RFC4: variants seen among roughly 807,000 people sequenced by gnomAD.
RFC4 encodes the protein replication factor C subunit 4.
A neutral mutation model predicts 47.6 loss-of-function variants in RFC4; 38 were observed. The ratio of observed to expected loss-of-function variants is 0.80; its 90% CI spans 0.62 to 1.05. The LOEUF is 1.05. Among genes scored for constraint, RFC4 ranks in the 50% least tolerant of loss-of-function variants. The pLI is 0.00. For missense variants in RFC4, 489 were observed against 434.0 expected (o/e 1.13, Z -1.13); for synonymous variants, 164 against 150.0 (o/e 1.09, Z -0.68).
rs764526307 is a variant in RFC4, at chr3:186,794,664, C to T, written c.404G>A (p.Arg135His). Residue 135 changes from arginine (R) to histidine (H), a missense_variant, in exon 5 of 11, where the codon CGC (arginine) becomes CAC (histidine). Arg to His is a conservative substitution (Grantham distance 29). This residue lies in a region of RFC4 where 206 missense variants were observed against 257.8 expected (regional missense o/e 0.80). Transcript: ENST00000296273. ...GGAGGGCAAATTTACTTACTCTGAG[C>T]GACTTCCTGACACAGTTAATTGAGC... The part of the protein sequence containing the change: ...NFAQLTVSGS[R>H]SDGKPCPPFK... 8.7e-6 allele frequency: 14 copies of T among 1,613,242 alleles called. No individual in the cohort carries two copies. Among genetic ancestry groups the T allele is most frequent in the Admixed American group, 3.3e-5 (2 of 59,812 alleles).
intron 3 of RFC4, among the ~76,000 whole-genome samples, 194 bp from the exon 4 acceptor site, chr3:186,797,808 C>T (rs967771303): frequency 2.0e-5 from 3 of 152,180 alleles, no homozygotes; most frequent in Non-Finnish European, 1.5e-5. Context: ...TCATATACTA[C>T]CACTTTTTTC....
chr3:186,790,270 A>T lies in RFC4; in HGVS notation c.883-15T>A, dbSNP rs779491357. The T allele has an allele frequency of 2.5e-6, 4 of 1,611,228 alleles. No individual in the cohort carries two copies. The African/African-American group carries it at 4.0e-5, about 16-fold the overall frequency. On this transcript the variant is annotated splice_polypyrimidine_tract_variant and intron_variant, in intron 9 of 10. Transcript: ENST00000296273. ...TCTATTAAATCCTATAATAAAAAAA[A>T]CTTTTGGTATGATGACTTAATATTC...
At chr3:186,804,809 G>A in intron 1 of RFC4, 85 bp from the exon 2 acceptor site, 2 of 1,320,632 alleles carry the variant, frequency 1.5e-6, no homozygotes, top group Non-Finnish European at 1.1e-6. Flanking sequence ...GGGTGGTGGT[G>A]GGGAACCATT....
At chr3:186,790,105 T>TAA in intron 10 of RFC4, 37 bp downstream of exon 10, 1 of 1,604,102 alleles carries the variant, frequency 6.2e-7, no homozygotes, top group South Asian at 1.1e-5. Context: ...TTCAGGTAGT[T>TAA]AAATGTTCCA....
chr3:186,790,273 T>C lies in RFC4; in HGVS notation c.883-18A>G. On this transcript the variant is annotated intron_variant, in intron 9 of 10. Transcript: ENST00000296273. ...ATTAAATCCTATAATAAAAAAAACT[T>C]TTGGTATGATGACTTAATATTCCTT... The C allele has an allele frequency of 1.2e-6, 2 of 1,611,482 alleles. No individual in the cohort carries two copies. The highest frequency in any genetic ancestry group is 1.7e-6 in the Non-Finnish European group (2 of 1,177,848).
intron 6 of RFC4, 24 bp downstream of exon 6, chr3:186,792,778 ATC>A (rs770598040): frequency 1.9e-6 from 3 of 1,586,320 alleles, no homozygotes; most frequent in Non-Finnish European, 2.6e-6. Context: ...GCTGCCTAGC[ATC>A]TGTCTTCAGG....
intron 4 of RFC4, 95 bp from the exon 5 acceptor site, chr3:186,794,872 CTAG>C: frequency 2.2e-6 from 3 of 1,346,114 alleles, no homozygotes; most frequent in Non-Finnish European, 3.1e-6. Context: ...TAAAATCCAC[CTAG>C]TAAACAACAT....
intron 1 of RFC4, among the ~76,000 whole-genome samples, chr3:186,805,045 T>C (rs1291742402): frequency 6.6e-6 from 1 of 152,176 alleles, no homozygotes; most frequent in Non-Finnish European, 1.5e-5. Flanking sequence ...AATGCATTGA[T>C]AAATATGATG....
chr3:186,802,046 T>C (rs1270575097), intron 2 of RFC4, among the ~76,000 whole-genome samples: 1 of 112,508 alleles, frequency 8.9e-6, no homozygotes, highest in Non-Finnish European at 1.9e-5. Flanking sequence ...AAAAAAAAAA[T>C]TAAAGTGAAC....
At chr3:186,790,085 A>C in intron 10 of RFC4, 21 bp from the exon 11 acceptor site, 1 of 1,609,112 alleles carries the variant, frequency 6.2e-7, no homozygotes. Flanking sequence ...AATTTAAGAA[A>C]TTAGCATCCT....
rs1383682811 is a variant in RFC4 at position 186,794,708 on chromosome 3, T to A, written c.360A>T (p.Arg120=). ...ASDERGIQVV[R]EKVKNFAQLT... ...ATTGAGCAAAATTTTTCACTTTCTCTCGAACTACTTGTATTCCACGTTCAT... is the reference window on the plus strand; with the variant it reads ...ATTGAGCAAAATTTTTCACTTTCTCACGAACTACTTGTATTCCACGTTCAT... The change falls in exon 5 of 11, where the codon CGA becomes CGT. Residue 120 remains arginine, a synonymous_variant. Transcript: ENST00000296273. 6 of 1,614,140 alleles carry A rather than the reference T, an allele frequency of 3.7e-6. No individual in the cohort carries two copies. Among genetic ancestry groups the A allele is most frequent in the Non-Finnish European group, 5.1e-6 (6 of 1,179,994 alleles).
chr3:186,791,526 G>T, intron 8 of RFC4, 199 bp downstream of exon 8: 1 of 575,588 alleles, frequency 1.7e-6, no homozygotes, highest in Non-Finnish European at 3.1e-6. Context: ...TTCCTGAAAT[G>T]TCTGTTACAT....
chr3:186,793,081 A>G lies in RFC4; in HGVS notation c.411-134T>C. ...TCAGTGTTTTTCTGTATGTTCACAA[A>G]GTTGTGCAACCATTACCACAATCTA... On this transcript the variant is annotated intron_variant, in intron 5 of 10. Coordinates refer to ENST00000296273, the MANE Select transcript of RFC4 (RefSeq NM_002916.5). This position sits in a 1 kb window ranked among gnomAD's most constrained non-coding sequence, Gnocchi z 4.2. The G allele has an allele frequency of 1.3e-6, 1 of 759,510 alleles. No homozygotes were observed. Among genetic ancestry groups the G allele is most frequent in the Non-Finnish European group, 2.0e-6 (1 of 491,366 alleles). The allele number at this position is 759,510 out of a possible 1,614,324, so 47.0% of individuals were successfully genotyped here. A position where few individuals can be genotyped will look rare whatever the true frequency, so the allele number is the denominator to read the frequency against.
At chr3:186,802,961 C>T (rs1157131924) in intron 2 of RFC4, among the ~76,000 whole-genome samples, 2 of 152,068 alleles carry the variant, frequency 1.3e-5, no homozygotes, top group Non-Finnish European at 2.9e-5. Context: ...CCCAGTGTTG[C>T]CTGATCTCCT....
chr3:186,798,093 G>T (rs564083993), intron 3 of RFC4, among the ~76,000 whole-genome samples: 6 of 152,110 alleles, frequency 3.9e-5, no homozygotes, highest in Non-Finnish European at 1.5e-5. Flanking sequence ...GGCTTTGGAT[G>T]AGCAGAAGTA....
intron 2 of RFC4, among the ~76,000 whole-genome samples, chr3:186,804,247 A>C (rs1294586727): frequency 6.6e-6 from 1 of 152,198 alleles, no homozygotes; most frequent in Non-Finnish European, 1.5e-5. Flanking sequence ...GGAACAGATT[A>C]CATATTTGGA....
At position 186,794,642 on chromosome 3, in the gene RFC4, G is replaced by A; in HGVS notation, c.410+16C>T. The A allele has an allele frequency of 6.2e-7, 1 of 1,611,206 alleles. No homozygotes were observed. The highest frequency in any genetic ancestry group is 2.2e-5 in the East Asian group (1 of 44,808). ...AATAATACATGCTATGGAGGAGGGA[G>A]GGCAAATTTACTTACTCTGAGCGAC... is the stretch of plus-strand genomic sequence containing the variant. On this transcript the variant is annotated intron_variant, in intron 5 of 10. Coordinates refer to ENST00000296273, the MANE Select transcript of RFC4 (RefSeq NM_002916.5).
intron 4 of RFC4, among the ~76,000 whole-genome samples, chr3:186,797,249 C>A (rs902128285): frequency 4.6e-5 from 7 of 152,146 alleles, no homozygotes; most frequent in Non-Finnish European, 1.0e-4. Flanking sequence ...GTTGGGCCCT[C>A]TGGACTCCAA....
At position 186,793,335 on chromosome 3, in the gene RFC4, C is replaced by T. The variant is rs556070247; in HGVS notation, c.411-388G>A. ...TCATCCATATTGTAGCATGTGTTTGCGTCATTCCTTTGTATTGTCAAATAC... is the reference window on the plus strand; with the variant it reads ...TCATCCATATTGTAGCATGTGTTTGTGTCATTCCTTTGTATTGTCAAATAC... On this transcript the variant is annotated intron_variant, in intron 5 of 10. Transcript: ENST00000296273. The surrounding 1 kb of genome is among the most constrained non-coding windows in gnomAD (Gnocchi z 4.2). Among the ~76,000 whole-genome samples the T allele has an allele frequency of 3.9e-5, 6 of 152,286 alleles. No homozygotes were observed. The highest frequency in any genetic ancestry group is 1.2e-4 in the African/African-American group (5 of 41,554).
Sources: gnomAD v4.1 joint callset for allele counts (sites outside exome capture counted in the v4.1 genomes callset) on GRCh38, gnomAD v4.1.1 for gene constraint, gnomAD v4.1.1 regional missense constraint, Gnocchi (gnomAD v3.1) non-coding constraint, MANE v1.5 for transcripts, NCBI Gene and HGNC (gene_info 2026-07-23, HGNC 2026-07-21) for gene names.